Variants in ARHGAP18 observed in about 807,000 individuals in gnomAD.
ARHGAP18 encodes the protein rho GTPase-activating protein 18.
ARHGAP18 carries 67 observed loss-of-function variants against 86.2 expected under a neutral mutation model. The observed-to-expected ratio is 0.78, with a 90% confidence interval of 0.64 to 0.95. The LOEUF (loss-of-function observed/expected upper bound fraction) is 0.95, where lower values mean the gene tolerates loss of function less well. ARHGAP18 is among the 40% of genes least tolerant of loss of function. The pLI, the probability that ARHGAP18 is intolerant of heterozygous loss-of-function variation, is 0.00. For synonymous variants in ARHGAP18, 283 were observed against 280.4 expected (o/e 1.01, Z -0.09); for missense variants, 691 against 780.4 (o/e 0.89, Z 1.37).
At chr6:129,667,812 T>C (rs1196473224) in intron 1 of ARHGAP18, among the ~76,000 whole-genome samples, 1 of 152,042 alleles carries the variant, frequency 6.6e-6, no homozygotes, top group Admixed American at 6.5e-5. Flanking sequence ...GGAGGAAGGT[T>C]ACTGAGCATT....
chr6:129,639,191 TG>T (rs553253632), intron 2 of ARHGAP18, among the ~76,000 whole-genome samples: 14 of 144,938 alleles, frequency 9.7e-5, no homozygotes, highest in African/African-American at 3.2e-4. Flanking sequence ...ATTTTTACAA[TG>T]TTTTTTTAAA....
intron 12 of ARHGAP18, among the ~76,000 whole-genome samples, chr6:129,595,111 A>G (rs2114441820): frequency 6.8e-6 from 1 of 147,918 alleles, no homozygotes; most frequent in African/African-American, 2.5e-5. Context: ...ACAATAATAC[A>G]CCCCAATTAG....
intron 1 of ARHGAP18, among the ~76,000 whole-genome samples, chr6:129,642,353 T>C (rs1237011365): frequency 6.6e-6 from 1 of 152,192 alleles, no homozygotes; most frequent in Non-Finnish European, 1.5e-5. Context: ...AATGTGACCA[T>C]AGCTCACTTT....
chr6:129,654,790 A>T (rs1054063754), intron 1 of ARHGAP18, among the ~76,000 whole-genome samples: 1 of 152,048 alleles, frequency 6.6e-6, no homozygotes, highest in Non-Finnish European at 1.5e-5. Flanking sequence ...CCCAGTTCCT[A>T]TAAAGAAATG....
At chr6:129,632,000 G>C (rs1773229176) in intron 4 of ARHGAP18, among the ~76,000 whole-genome samples, 2 of 152,160 alleles carry the variant, frequency 1.3e-5, no homozygotes, top group East Asian at 3.8e-4. Flanking sequence ...TTTTCATTTA[G>C]AATAAGTATC....
At chr6:129,680,645 G>C (rs1426960084) in intron 1 of ARHGAP18, among the ~76,000 whole-genome samples, 1 of 152,234 alleles carries the variant, frequency 6.6e-6, no homozygotes, top group Non-Finnish European at 1.5e-5. Context: ...TTTAGGATCA[G>C]AGGTAAATCT....
intron 6 of ARHGAP18, 141 bp from the exon 7 acceptor site, chr6:129,616,444 A>T: frequency 1.6e-6 from 1 of 644,554 alleles, no homozygotes; most frequent in South Asian, 2.3e-5. Flanking sequence ...CAGCATCTCA[A>T]CATTATATAT....
intron 5 of ARHGAP18, among the ~76,000 whole-genome samples, chr6:129,626,854 C>T (rs763719711): frequency 6.6e-6 from 1 of 152,086 alleles, no homozygotes; most frequent in Non-Finnish European, 1.5e-5. Context: ...TCTGCCATTT[C>T]CTGAGAACTA....
In ARHGAP18 at chr6:129,606,065, G is replaced by A. The variant is rs376956100; in HGVS notation, c.1283-106C>T. 1.3e-3 allele frequency: 1,366 copies of A among 1,038,476 alleles called. 31 individuals carry two copies. The South Asian group carries it at 0.018, about 13-fold the overall frequency. 64.3% of individuals were successfully genotyped at this position (1,038,476 alleles called of 1,614,324 possible). On this transcript the variant is annotated intron_variant, in intron 9 of 14. Coordinates refer to ENST00000368149, the MANE Select transcript of ARHGAP18 (RefSeq NM_033515.3). ...AAAGTTATTTGGCATAAACATGACT[G>A]TAAAATGTAAGACACAACGACTGAG...
chr6:129,637,052 TTTGTTGTTGTTG>T (rs547977121), intron 3 of ARHGAP18, among the ~76,000 whole-genome samples: 1 of 151,788 alleles, frequency 6.6e-6, no homozygotes, highest in Non-Finnish European at 1.5e-5. Context: ...CTTGTACTGT[TTTGTTGTTGTTG>T]TTGTTGTTGT....
In ARHGAP18 at chr6:129,685,011, T is replaced by C. The variant is rs144513298; in HGVS notation, c.113+25013A>G. Among the ~76,000 whole-genome samples, 431 of 152,256 alleles carry C rather than the reference T, an allele frequency of 2.8e-3. 9 individuals are homozygous for C. The highest frequency in any genetic ancestry group is 0.026 in the Admixed American group (400 of 15,294). On this transcript the variant is annotated intron_variant, in intron 1 of 14. Transcript: ENST00000368149. ...GGTCACTGAAATAGAGAAACGTCAT[T>C]ACTGCTTTCTCAGACTCCGGCGGTG...
chr6:129,706,156 AT>A (rs1562731149), intron 1 of ARHGAP18, among the ~76,000 whole-genome samples: 1 of 152,258 alleles, frequency 6.6e-6, no homozygotes, highest in Non-Finnish European at 1.5e-5. Flanking sequence ...GCAAACAACC[AT>A]TTCTCTTAAA....
chr6:129,708,216 A>G (rs769973974), intron 1 of ARHGAP18, among the ~76,000 whole-genome samples: 27 of 152,096 alleles, frequency 1.8e-4, no homozygotes, highest in African/African-American at 6.5e-4. Context: ...TCTCCGGTCA[A>G]TATCAGGAAC....
intron 3 of ARHGAP18, among the ~76,000 whole-genome samples, chr6:129,634,311 G>T (rs1321757737): frequency 6.6e-6 from 1 of 152,124 alleles, no homozygotes; most frequent in African/African-American, 2.4e-5. Flanking sequence ...AGAGACAATA[G>T]TAGGCCCAGT....
At chr6:129,686,582 C>A (rs960296979) in intron 1 of ARHGAP18, among the ~76,000 whole-genome samples, 6 of 152,198 alleles carry the variant, frequency 3.9e-5, no homozygotes, top group African/African-American at 1.4e-4. Flanking sequence ...CAGTCTCTTC[C>A]CTAGGATACT....
chr6:129,586,522 C>A (rs758056890), intron 12 of ARHGAP18, among the ~76,000 whole-genome samples: 7 of 152,076 alleles, frequency 4.6e-5, no homozygotes, highest in African/African-American at 7.2e-5. Flanking sequence ...CTGGTTAAGT[C>A]ATAGTGTCAA....
intron 1 of ARHGAP18, among the ~76,000 whole-genome samples, chr6:129,645,250 G>C (rs1278938580): frequency 6.6e-6 from 1 of 152,146 alleles, no homozygotes; most frequent in Non-Finnish European, 1.5e-5. Flanking sequence ...ACTTCAGACA[G>C]GCAGTGACTA....
chr6:129,688,661 A>G (rs1774474508), intron 1 of ARHGAP18, among the ~76,000 whole-genome samples: 1 of 152,142 alleles, frequency 6.6e-6, no homozygotes, highest in Admixed American at 6.5e-5. Context: ...GCATGGTGGC[A>G]CATGCCTGTA....
At chr6:129,635,201 G>A (rs1314495206) in intron 3 of ARHGAP18, among the ~76,000 whole-genome samples, 1 of 152,158 alleles carries the variant, frequency 6.6e-6, no homozygotes, top group Non-Finnish European at 1.5e-5. Context: ...TAATTCTACT[G>A]TATTTTATCT....
Sources: allele counts gnomAD v4.1 joint callset (sites outside exome capture counted in the v4.1 genomes callset), GRCh38; gene constraint gnomAD v4.1.1; transcripts MANE v1.5; gene names NCBI Gene and HGNC (gene_info 2026-07-23, HGNC 2026-07-21).